Variants in FNIP1 observed in about 807,000 individuals in gnomAD.
FNIP1 encodes folliculin-interacting protein 1.
In FNIP1, 40 loss-of-function variants were observed where a neutral mutation model predicts 124.5. That is an observed-to-expected ratio of 0.32 (90% CI 0.25 to 0.42). The LOEUF (loss-of-function observed/expected upper bound fraction) is 0.42, where lower values mean the gene tolerates loss of function less well. Ranked by LOEUF, FNIP1 falls within the 10% of genes least tolerant of loss-of-function variation. The pLI, the probability that FNIP1 is intolerant of heterozygous loss-of-function variation, is 1.00. For missense variants in FNIP1, 1,176 were observed against 1,403.7 expected (o/e 0.84, Z 2.59); for synonymous variants, 472 against 470.6 (o/e 1.00, Z -0.04).
At chr5:131,718,574 T>C (rs549154078) in intron 5 of FNIP1, among the ~76,000 whole-genome samples, 1 of 152,346 alleles carries the variant, frequency 6.6e-6, no homozygotes, top group African/African-American at 2.4e-5. Context: ...TGGCTATCAT[T>C]ATATAGTGTA....
In FNIP1 at chr5:131,744,470, C is replaced by T. The variant is rs1277871216; in HGVS notation, c.219+94G>A. 2.4e-6 allele frequency: 3 copies of T among 1,246,460 alleles called. No individual in the cohort carries two copies. In the African/African-American group the frequency reaches 4.6e-5, roughly 19 times the overall value. 77.2% of individuals were successfully genotyped at this position (1,246,460 alleles called of 1,614,324 possible). ...CCTCAGCCCCAATATCCAGTCATTT[C>T]CTTCTCCCTCAGCCCCAATTATCCA... On this transcript the variant is annotated intron_variant, in intron 2 of 17. Coordinates refer to ENST00000510461, the MANE Select transcript of FNIP1 (RefSeq NM_133372.3).
intron 1 of FNIP1, among the ~76,000 whole-genome samples, chr5:131,761,520 T>A (rs1353292211): frequency 6.6e-6 from 1 of 152,100 alleles, no homozygotes; most frequent in Non-Finnish European, 1.5e-5. Context: ...CCAATTACAG[T>A]AACTACAAAT....
At chr5:131,702,596 A>G (rs1171182915) in intron 10 of FNIP1, among the ~76,000 whole-genome samples, 2 of 152,200 alleles carry the variant, frequency 1.3e-5, no homozygotes, top group African/African-American at 4.8e-5. Flanking sequence ...AAAACATCCC[A>G]TACATCCTTC....
At chr5:131,768,136 T>G (rs1771501638) in intron 1 of FNIP1, among the ~76,000 whole-genome samples, 1 of 152,150 alleles carries the variant, frequency 6.6e-6, no homozygotes, top group African/African-American at 2.4e-5. Flanking sequence ...CAAAATTCAT[T>G]TATATTTATT....
rs996011403 is a variant in FNIP1, at chr5:131,643,317, C to T, written c.*1368G>A. 8.5e-5 allele frequency: 13 copies of T among 152,512 alleles called. No individual in the cohort carries two copies. The highest frequency in any genetic ancestry group is 1.9e-4 in the Non-Finnish European group (13 of 68,002). The allele number at this position is 152,512 out of a possible 1,614,324, so 9.4% of individuals were successfully genotyped here. A position where few individuals can be genotyped will look rare whatever the true frequency, so the allele number is the denominator to read the frequency against. ...GTTATATAGTAAATATATTTAATAACTGAATAAACAAGTGGTTTTCTTTTT... is the reference window on the plus strand; with the variant it reads ...GTTATATAGTAAATATATTTAATAATTGAATAAACAAGTGGTTTTCTTTTT... On this transcript the variant is annotated 3_prime_UTR_variant, in exon 18 of 18. Transcript: ENST00000510461.
chr5:131,753,783 GTTACA>G (rs1770958192), intron 1 of FNIP1, among the ~76,000 whole-genome samples: 1 of 151,582 alleles, frequency 6.6e-6, no homozygotes, highest in South Asian at 2.1e-4. Context: ...TATTCATCAA[GTTACA>G]TTACATTATG....
In FNIP1 at chr5:131,768,564, CT is replaced by C. The variant is rs200390242; in HGVS notation, c.93-23875del. Among the ~76,000 whole-genome samples the C allele has an allele frequency of 7.5e-3, 1,136 of 151,932 alleles. 15 individuals are homozygous for C. The highest frequency in any genetic ancestry group is 0.027 in the African/African-American group (1,103 of 41,398). The stretch of plus-strand genomic sequence containing the variant: ...GTGGCTCATGCCTGTAATCCCAGCA[CT>C]TTGGGAGGCTGATGCGGTTGGACCA... On this transcript the variant is annotated intron_variant, in intron 1 of 17. Coordinates refer to ENST00000510461, the MANE Select transcript of FNIP1 (RefSeq NM_133372.3).
chr5:131,680,877 A>G (rs952745042), intron 11 of FNIP1, among the ~76,000 whole-genome samples: 10 of 152,246 alleles, frequency 6.6e-5, no homozygotes, highest in African/African-American at 2.2e-4. Context: ...TGATTGAAGT[A>G]GCAGAGTAGA....
At chr5:131,743,949 G>GAAAA (rs1770592957) in intron 2 of FNIP1, among the ~76,000 whole-genome samples, 1 of 152,124 alleles carries the variant, frequency 6.6e-6, no homozygotes, top group Non-Finnish European at 1.5e-5. Flanking sequence ...CAAGCAAAGA[G>GAAAA]AAAAGCTGAG....
chr5:131,788,397 A>G (rs756083052), intron 1 of FNIP1, among the ~76,000 whole-genome samples: 1 of 152,222 alleles, frequency 6.6e-6, no homozygotes, highest in Non-Finnish European at 1.5e-5. Context: ...GGCCAGGTGC[A>G]GTAGCTCACG....
At chr5:131,782,914 C>T (rs1050046530) in intron 1 of FNIP1, among the ~76,000 whole-genome samples, 2 of 152,250 alleles carry the variant, frequency 1.3e-5, no homozygotes, top group African/African-American at 2.4e-5. Flanking sequence ...CCGTCCGCCT[C>T]GGCCTCCCGA....
At chr5:131,785,080 ATATATATATGATATATATGAC>A (rs1167771500) in intron 1 of FNIP1, among the ~76,000 whole-genome samples, 55 of 9,968 alleles carry the variant, frequency 5.5e-3, no homozygotes, top group African/African-American at 0.014. Context: ...TATATATGAC[ATATATATATGATATATATGAC>A]TATATATATA....
intron 8 of FNIP1, among the ~76,000 whole-genome samples, chr5:131,708,112 A>G (rs1411559738): frequency 6.6e-6 from 1 of 152,178 alleles, no homozygotes; most frequent in African/African-American, 2.4e-5. Flanking sequence ...ATCAAGTGTT[A>G]GGTTTTGCAT....
intron 1 of FNIP1, among the ~76,000 whole-genome samples, chr5:131,790,478 C>CAAAA (rs56699008): frequency 0.067 from 4,625 of 68,770 alleles, 505 homozygotes; most frequent in East Asian, 0.25. Context: ...GAACCTGTCT[C>CAAAA]AAAAAAAAAA....
rs757752247 is a variant in FNIP1, at chr5:131,782,942, C to G, written c.92+13888G>C. On this transcript the variant is annotated intron_variant, in intron 1 of 17. Coordinates refer to ENST00000510461, the MANE Select transcript of FNIP1 (RefSeq NM_133372.3). ...CCTCCCGACGTGCTGGGATTACAGG[C>G]GTGAGCCACCGCGCCTGGTCCGTTT... is the stretch of plus-strand genomic sequence containing the variant. Among the ~76,000 whole-genome samples the G allele has an allele frequency of 2.0e-5, 3 of 152,326 alleles. No individual in the cohort carries two copies. In the South Asian group the frequency reaches 6.2e-4, roughly 32 times the overall value.
chr5:131,742,293 A>C (rs1770538134), intron 2 of FNIP1, among the ~76,000 whole-genome samples: 1 of 152,152 alleles, frequency 6.6e-6, no homozygotes, highest in African/African-American at 2.4e-5. Context: ...GCGAAACCCC[A>C]TTTCTACTAA....
chr5:131,752,779 T>C (rs1473496581), intron 1 of FNIP1, among the ~76,000 whole-genome samples: 2 of 152,226 alleles, frequency 1.3e-5, no homozygotes, highest in South Asian at 2.1e-4. Context: ...AATTAAAACA[T>C]GGCCACGGCC....
In FNIP1 at chr5:131,677,594, G is replaced by A. The variant is rs1246351356; in HGVS notation, c.1519+109C>T. The A allele has an allele frequency of 2.9e-6, 3 of 1,024,436 alleles. No homozygotes were observed. The East Asian group carries it at 7.4e-5, about 25-fold the overall frequency. The allele number at this position is 1,024,436 out of a possible 1,614,324, so 63.5% of individuals were successfully genotyped here. A position where few individuals can be genotyped will look rare whatever the true frequency, so the allele number is the denominator to read the frequency against. ...GGACAAGCAAAGCAGAGATGCTTTA[G>A]AATGCAGGAGGTAAAAGCATTTTAT... On this transcript the variant is annotated intron_variant, in intron 13 of 17. Coordinates refer to ENST00000510461, the MANE Select transcript of FNIP1 (RefSeq NM_133372.3).
rs138240138 is a variant in FNIP1 at position 131,715,964 on chromosome 5, C to T, written c.622+601G>A. ...ATAGCTTTTTATGCACCAGAAGTAT[C>T]GCAATACAGCAGCAGTTCAGTTGAG... On this transcript the variant is annotated intron_variant, in intron 6 of 17. Transcript: ENST00000510461. Among the ~76,000 whole-genome samples, 321 of 152,216 alleles carry T rather than the reference C, an allele frequency of 2.1e-3. 2 individuals carry two copies. The highest frequency in any genetic ancestry group is 7.4e-3 in the African/African-American group (308 of 41,536).
Sources: allele counts gnomAD v4.1 joint callset (sites outside exome capture counted in the v4.1 genomes callset), GRCh38; gene constraint gnomAD v4.1.1; transcripts MANE v1.5; gene names NCBI Gene and HGNC (gene_info 2026-07-23, HGNC 2026-07-21).